SLC25A21: variants seen among roughly 807,000 people sequenced by gnomAD.
SLC25A21 encodes the protein solute carrier family 25 member 21.
A neutral mutation model predicts 43.8 loss-of-function variants in SLC25A21; 47 were observed. That is an observed-to-expected ratio of 1.07 (90% CI 0.85 to 1.37). SLC25A21 has a LOEUF of 1.37. SLC25A21 is among the 40% of genes most tolerant of loss of function. The pLI is 0.00. For synonymous variants in SLC25A21, 131 were observed against 121.3 expected, an observed-to-expected ratio of 1.08 and a Z score of -0.52; for missense variants, 352 against 350.2, an observed-to-expected ratio of 1.00 and a Z score of -0.04.
chr14:36,983,865 T>G (rs1427204734), intron 1 of SLC25A21, among the ~76,000 whole-genome samples: 1 of 152,076 alleles, frequency 6.6e-6, no homozygotes, highest in African/African-American at 2.4e-5. Flanking sequence ...TGGAGGGCAT[T>G]ATCCTATGTG....
At chr14:37,121,921 G>C (rs905419384) in intron 1 of SLC25A21, among the ~76,000 whole-genome samples, 2 of 152,094 alleles carry the variant, frequency 1.3e-5, no homozygotes, top group African/African-American at 2.4e-5. Context: ...CATCTCGTGA[G>C]AGTCCTTCAT....
At chr14:36,991,272 T>C (rs1960257439) in intron 1 of SLC25A21, among the ~76,000 whole-genome samples, 1 of 152,198 alleles carries the variant, frequency 6.6e-6, no homozygotes, top group Non-Finnish European at 1.5e-5. Flanking sequence ...GGACTGTTAA[T>C]GGTGACCACC....
chr14:37,114,149 T>C (rs146067242), intron 1 of SLC25A21, among the ~76,000 whole-genome samples: 1 of 152,174 alleles, frequency 6.6e-6, no homozygotes, highest in African/African-American at 2.4e-5. Flanking sequence ...AGAGTTACAA[T>C]CAACGTGTGA....
chr14:37,077,388 A>C (rs200744979), intron 1 of SLC25A21, among the ~76,000 whole-genome samples: 4 of 152,240 alleles, frequency 2.6e-5, no homozygotes, highest in African/African-American at 9.6e-5. Flanking sequence ...TTTTAAGTGA[A>C]TTACTTTGCT....
intron 1 of SLC25A21, among the ~76,000 whole-genome samples, chr14:36,995,777 A>C (rs1186389083): frequency 6.6e-6 from 1 of 152,140 alleles, no homozygotes; most frequent in Non-Finnish European, 1.5e-5. Context: ...CCAGGTATCA[A>C]GACTTACGTT....
intron 1 of SLC25A21, among the ~76,000 whole-genome samples, chr14:37,014,668 A>T (rs1438841825): frequency 6.6e-6 from 1 of 152,190 alleles, no homozygotes; most frequent in African/African-American, 2.4e-5. Flanking sequence ...AATTCTTTCT[A>T]GGTTTTCAAC....
chr14:37,037,048 GGT>G (rs1961342226), intron 1 of SLC25A21, among the ~76,000 whole-genome samples: 2 of 152,114 alleles, frequency 1.3e-5, no homozygotes, highest in African/African-American at 4.8e-5. Context: ...AATGTGCCCT[GGT>G]ACATGCATCA....
At chr14:37,144,952 GTTGT>G (rs1555349808) in intron 1 of SLC25A21, among the ~76,000 whole-genome samples, 7 of 149,434 alleles carry the variant, frequency 4.7e-5, no homozygotes, top group African/African-American at 1.8e-4. Flanking sequence ...TGTTGTTGTT[GTTGT>G]TTGTTTGTTT....
chr14:36,961,884 G>A (rs893103509), intron 1 of SLC25A21, among the ~76,000 whole-genome samples: 3 of 152,114 alleles, frequency 2.0e-5, no homozygotes, highest in East Asian at 1.9e-4. Flanking sequence ...CAGGACAGAT[G>A]AGTCCCTCCT....
chr14:36,802,540 T>G (rs1232863968), intron 3 of SLC25A21, among the ~76,000 whole-genome samples: 1 of 152,190 alleles, frequency 6.6e-6, no homozygotes, highest in African/African-American at 2.4e-5. Context: ...TGAAGTACAA[T>G]GAGGTTAAAT....
chr14:36,801,613 T>C (rs925331622), intron 3 of SLC25A21, among the ~76,000 whole-genome samples: 2 of 152,228 alleles, frequency 1.3e-5, no homozygotes, highest in African/African-American at 4.8e-5. Context: ...GCCTATTGTT[T>C]ACTGTTATTT....
Position 36,902,430 on chromosome 14 carries a change from C to A in SLC25A21, c.71-27426G>T, listed in dbSNP as rs550572062. On this transcript the variant is annotated intron_variant, in intron 1 of 9. Transcript: ENST00000331299. ...TGCCATTCTCTAAGGAGCGAAGTAT[C>A]GTATAGTAAAACACACACACACACA... Among the ~76,000 whole-genome samples the A allele has an allele frequency of 2.2e-5, 3 of 135,610 alleles. No individual in the cohort carries two copies. The South Asian group carries it at 7.7e-4, about 35-fold the overall frequency. The allele number at this position is 135,610 out of a possible 152,430, so 89.0% of individuals were successfully genotyped here.
chr14:36,773,271 A>G (rs1886693314), intron 3 of SLC25A21, among the ~76,000 whole-genome samples: 1 of 152,122 alleles, frequency 6.6e-6, no homozygotes, highest in African/African-American at 2.4e-5. Flanking sequence ...GTGATGAGTC[A>G]GACCCGTCAG....
intron 1 of SLC25A21, among the ~76,000 whole-genome samples, chr14:37,151,284 T>C (rs1038784310): frequency 2.0e-5 from 3 of 152,174 alleles, no homozygotes. Flanking sequence ...CACCAGTATC[T>C]TATTAGTTGT....
intron 1 of SLC25A21, among the ~76,000 whole-genome samples, chr14:37,113,113 G>C (rs929057234): frequency 6.6e-6 from 1 of 152,118 alleles, no homozygotes; most frequent in African/African-American, 2.4e-5. Flanking sequence ...AGTTTCCATA[G>C]ACACCTCAGG....
Position 36,952,877 on chromosome 14 carries a change from G to C in SLC25A21, c.71-77873C>G, listed in dbSNP as rs1892847997. ...GTCATGTTTCAGGAATGAAGAACGG[G>C]ATATTCAAGAAGACTTCTCTCAAAT... is the stretch of plus-strand genomic sequence containing the variant. On this transcript the variant is annotated intron_variant, in intron 1 of 9. Transcript: ENST00000331299. 2.0e-5 allele frequency among the ~76,000 whole-genome samples: 3 copies of C among 152,186 alleles called. 1 individual carries two copies. In the South Asian group the frequency reaches 6.2e-4, roughly 32 times the overall value.
intron 2 of SLC25A21, among the ~76,000 whole-genome samples, chr14:36,863,806 A>G (rs1482662925): frequency 6.6e-6 from 1 of 152,208 alleles, no homozygotes; most frequent in Non-Finnish European, 1.5e-5. Context: ...GCGTGCGTGG[A>G]GCACTACCTA....
At chr14:36,753,083 G>A (rs560778234) in intron 3 of SLC25A21, among the ~76,000 whole-genome samples, 1 of 152,236 alleles carries the variant, frequency 6.6e-6, no homozygotes, top group African/African-American at 2.4e-5. Context: ...GTGGCCAGGG[G>A]AGAGAGGTTT....
At chr14:37,155,759 C>G (rs1277070360) in intron 1 of SLC25A21, among the ~76,000 whole-genome samples, 1 of 152,112 alleles carries the variant, frequency 6.6e-6, no homozygotes, top group African/African-American at 2.4e-5. Context: ...CATTCCCAGA[C>G]AAGCAAATGC....
Sources: gnomAD v4.1 joint callset for allele counts (sites outside exome capture counted in the v4.1 genomes callset) on GRCh38, gnomAD v4.1.1 for gene constraint, MANE v1.5 for transcripts, NCBI Gene and HGNC (gene_info 2026-07-23, HGNC 2026-07-21) for gene names.